The following ADGRF5 variants were observed in gnomAD, a reference collection of about 807,000 sequenced individuals.
The protein encoded by ADGRF5 is G-protein coupled receptor 116.
A neutral mutation model predicts 132.3 loss-of-function variants in ADGRF5; 75 were observed. The ratio of observed to expected loss-of-function variants is 0.57; its 90% CI spans 0.47 to 0.69. The LOEUF (loss-of-function observed/expected upper bound fraction) is 0.69, where lower values mean the gene tolerates loss of function less well. Among genes scored for constraint, ADGRF5 ranks in the 30% least tolerant of loss-of-function variants. The pLI, the probability that ADGRF5 is intolerant of heterozygous loss-of-function variation, is 0.00. For synonymous variants in ADGRF5, 629 were observed against 597.6 expected, an observed-to-expected ratio of 1.05 and a Z score of -0.77; for missense variants, 1,516 against 1,630.6, an observed-to-expected ratio of 0.93 and a Z score of 1.21.
At chr6:46,885,961 G>A (rs1305611927) in intron 4 of ADGRF5, among the ~76,000 whole-genome samples, 1 of 152,218 alleles carries the variant, frequency 6.6e-6, no homozygotes, top group Admixed American at 6.5e-5. Flanking sequence ...TTTAGACTCT[G>A]TTGTGCACCA....
intron 13 of ADGRF5, among the ~76,000 whole-genome samples, chr6:46,866,097 A>AT (rs1039087782): frequency 6.6e-5 from 10 of 151,530 alleles, no homozygotes; most frequent in South Asian, 2.1e-4. Flanking sequence ...AGAGACTTTG[A>AT]TTTTTTTTTC....
intron 14 of ADGRF5, 66 bp from the exon 15 acceptor site, chr6:46,863,162 C>A (rs1769993614): frequency 1.7e-6 from 2 of 1,209,904 alleles, no homozygotes; most frequent in African/African-American, 1.5e-5. Flanking sequence ...GAAATACGGT[C>A]AGGCCAAGGT....
chr6:46,893,720 A>G (rs540291008), intron 3 of ADGRF5, among the ~76,000 whole-genome samples: 64 of 152,258 alleles, frequency 4.2e-4, no homozygotes, highest in Non-Finnish European at 8.5e-4. Flanking sequence ...TGCCCCTGGC[A>G]TTGTTTATCT....
rs781197591 is a variant in ADGRF5 at position 46,860,843 on chromosome 6, C to A, written c.2251G>T (p.Asp751Tyr). 6.2e-7 allele frequency: 1 copy of A among 1,613,910 alleles called. No homozygotes were observed. Among genetic ancestry groups the A allele is most frequent in the Non-Finnish European group, 8.5e-7 (1 of 1,179,872 alleles). The part of the protein sequence containing the change: ...QDEMLPTYLK[D>Y]LSISIDKAEH... ...GCTTTGTCTATGCTAATAGAAAGAT[C>A]CTTCAGGTATGTAGGGAGCATCTCA... Residue 751 changes from aspartate to tyrosine, a missense_variant, in exon 16 of 21, where the codon GAT (aspartate) becomes TAT (tyrosine). Physicochemically the swap from Asp to Tyr is radical, Grantham distance 160. Around this residue, in one of 2 missense-constraint regions of ADGRF5, gnomAD observed 945 missense variants for 929.4 expected, o/e 1.02. Coordinates refer to ENST00000283296, the MANE Select transcript of ADGRF5 (RefSeq NM_001098518.2).
upstream of ADGRF5, among the ~76,000 whole-genome samples, chr6:46,922,740 G>A (rs1777040080): frequency 6.6e-6 from 1 of 152,172 alleles, no homozygotes; most frequent in Non-Finnish European, 1.5e-5. Flanking sequence ...GATGAATGAG[G>A]CCTGGCTTGG....
Position 46,877,222 on chromosome 6 carries a change from C to CCT in ADGRF5, c.1240+978_1240+979dup, listed in dbSNP as rs754999224. On this transcript the variant is annotated intron_variant, in intron 10 of 20. Transcript: ENST00000283296. ...ACCTTTGGTGAGTCCTAATTTATTTCCTCTCTTTCTTTCTTTCTTTCTTTC... is the reference window on the plus strand; with the variant it reads ...ACCTTTGGTGAGTCCTAATTTATTTCCTCTCTCTTTCTTTCTTTCTTTCTTTC... Among the ~76,000 whole-genome samples, 3 of 147,154 alleles carry CCT rather than the reference C, an allele frequency of 2.0e-5. No homozygotes were observed. The East Asian group carries it at 6.2e-4, about 30-fold the overall frequency.
At chr6:46,863,340 A>T (rs1244414179) in intron 14 of ADGRF5, 1 of 579,012 alleles carries the variant, frequency 1.7e-6, no homozygotes, top group African/African-American at 1.8e-5. Context: ...TTATACCTTC[A>T]TCTGGAGATT....
chr6:46,939,541 A>G (rs1308595591), intron 1 of ADGRF5, among the ~76,000 whole-genome samples: 2 of 152,364 alleles, frequency 1.3e-5, no homozygotes, highest in East Asian at 3.9e-4. Context: ...TGGGCCCAAT[A>G]AAAGTAATTT....
intron 1 of ADGRF5, among the ~76,000 whole-genome samples, chr6:46,927,443 C>T (rs1432567620): frequency 3.9e-5 from 6 of 151,968 alleles, no homozygotes; most frequent in Non-Finnish European, 5.9e-5. Flanking sequence ...CTCTGCATCC[C>T]GTGCTGTTAC....
At chr6:46,945,404 C>A (rs1471334906) in intron 1 of ADGRF5, among the ~76,000 whole-genome samples, 1 of 152,176 alleles carries the variant, frequency 6.6e-6, no homozygotes, top group Non-Finnish European at 1.5e-5. Flanking sequence ...AGAGATAAAT[C>A]ACTTAAGTGA....
intron 3 of ADGRF5, among the ~76,000 whole-genome samples, chr6:46,893,096 A>G (rs1581885083): frequency 9.6e-6 from 1 of 104,418 alleles, no homozygotes; most frequent in East Asian, 3.2e-4. Flanking sequence ...TAGAATGGTT[A>G]CAAAAGACCT....
At chr6:46,933,565 G>A (rs891133986) in intron 1 of ADGRF5, among the ~76,000 whole-genome samples, 3 of 152,212 alleles carry the variant, frequency 2.0e-5, no homozygotes, top group African/African-American at 7.2e-5. Flanking sequence ...ACTAATGAAG[G>A]TGAGTTGCTC....
intron 10 of ADGRF5, among the ~76,000 whole-genome samples, chr6:46,872,786 C>T (rs1360771264): frequency 1.3e-5 from 2 of 152,136 alleles, no homozygotes; most frequent in Non-Finnish European, 2.9e-5. Flanking sequence ...TCCACCTTGC[C>T]TGCTGCCATG....
chr6:46,883,177 C>G (rs1399495221), intron 6 of ADGRF5, among the ~76,000 whole-genome samples: 1 of 152,148 alleles, frequency 6.6e-6, no homozygotes, highest in Admixed American at 6.5e-5. Context: ...ACCCTCTGTG[C>G]TCAGCCACGG....
chr6:46,868,207 G>C (rs1191365445), intron 12 of ADGRF5, among the ~76,000 whole-genome samples: 1 of 152,178 alleles, frequency 6.6e-6, no homozygotes, highest in Admixed American at 6.5e-5. Context: ...TTGCATCCTG[G>C]CTCTGCCACT....
At chr6:46,874,721 G>T (rs185147995) in intron 10 of ADGRF5, among the ~76,000 whole-genome samples, 24 of 152,280 alleles carry the variant, frequency 1.6e-4, no homozygotes, top group Admixed American at 1.0e-3. Flanking sequence ...CTGTGTTGAG[G>T]GGGGTGGAAG....
Position 46,862,919 on chromosome 6 carries a change from G to A in ADGRF5, c.2168C>T (p.Ala723Val). 1 of 1,612,380 alleles carries A rather than the reference G, an allele frequency of 6.2e-7. No homozygotes were observed. Among genetic ancestry groups the A allele is most frequent in the Non-Finnish European group, 8.5e-7 (1 of 1,179,166 alleles). ...WEEKRNDCISAPINSLLQMAK... is the reference protein window; with the variant it reads ...WEEKRNDCISVPINSLLQMAK... ...CATCTGGAGCAGACTGTTTATTGGG[G>A]CAGAGATGCAGTCATTTCTCTTCTC... Residue 723 changes from alanine to valine, a missense_variant, in exon 15 of 21, where the codon GCC becomes GTC. Around this residue, in one of 2 missense-constraint regions of ADGRF5, gnomAD observed 945 missense variants for 929.4 expected, o/e 1.02. Coordinates refer to ENST00000283296, the MANE Select transcript of ADGRF5 (RefSeq NM_001098518.2).
In ADGRF5 at chr6:46,881,366, C is replaced by T. The variant is rs530253493; in HGVS notation, c.814+89G>A. 70 of 1,167,854 alleles carry T rather than the reference C, an allele frequency of 6.0e-5. No individual in the cohort carries two copies. In the South Asian group the frequency reaches 8.0e-4, roughly 13 times the overall value. The allele number at this position is 1,167,854 out of a possible 1,614,324, so 72.3% of individuals were successfully genotyped here. Reference sequence around the variant, plus strand: ...CTGTGCCAGGAACTGGAGTGTCTAGCTTCCCAGAGGACATTGTAGCATAAA... The same window carrying T: ...CTGTGCCAGGAACTGGAGTGTCTAGTTTCCCAGAGGACATTGTAGCATAAA... On this transcript the variant is annotated intron_variant, in intron 8 of 20. Coordinates refer to ENST00000283296, the MANE Select transcript of ADGRF5 (RefSeq NM_001098518.2).
intron 20 of ADGRF5, 108 bp from the exon 21 acceptor site, chr6:46,854,179 G>A: frequency 1.4e-6 from 1 of 713,278 alleles, no homozygotes. Context: ...TGCCAGGTAA[G>A]CTCGGCCATG....
Sources: gnomAD v4.1 joint callset for allele counts (sites outside exome capture counted in the v4.1 genomes callset) on GRCh38, gnomAD v4.1.1 for gene constraint, gnomAD v4.1.1 regional missense constraint, MANE v1.5 for transcripts, NCBI Gene and HGNC (gene_info 2026-07-23, HGNC 2026-07-21) for gene names.